TDRD3: variants seen among roughly 807,000 people sequenced by gnomAD.
The protein encoded by TDRD3 is tudor domain-containing protein 3.
In TDRD3, 45 loss-of-function variants were observed where a neutral mutation model predicts 86.7. The ratio of observed to expected loss-of-function variants is 0.52; its 90% CI spans 0.41 to 0.67. The LOEUF is 0.67. Ranked by LOEUF, TDRD3 falls within the 30% of genes least tolerant of loss-of-function variation. The probability of loss-of-function intolerance (pLI) is 0.00; values close to 1 mark genes in which losing one functional copy is unlikely to be tolerated. For missense variants in TDRD3, 814 were observed against 889.0 expected (o/e 0.92, Z 1.07); for synonymous variants, 298 against 301.7 (o/e 0.99, Z 0.13).
rs1955969875 is a variant in TDRD3 at position 60,467,384 on chromosome 13, G to C, written c.495+5G>C. On this transcript the variant is annotated splice_donor_5th_base_variant and intron_variant, in intron 5 of 13. Coordinates refer to ENST00000377881, the MANE Select transcript of TDRD3 (RefSeq NM_001146070.2). ...GAGAAATGGGAGTTACAGAGAGTAAGTGTAAACTATGGCTTGAACTTTTGA... is the reference window on the plus strand; with the variant it reads ...GAGAAATGGGAGTTACAGAGAGTAACTGTAAACTATGGCTTGAACTTTTGA... The C allele has an allele frequency of 1.9e-6, 3 of 1,612,100 alleles. No individual in the cohort carries two copies. Among genetic ancestry groups the C allele is most frequent in the Non-Finnish European group, 2.5e-6 (3 of 1,179,410 alleles).
chr13:60,469,741 G>A (rs1956035477), intron 5 of TDRD3, among the ~76,000 whole-genome samples: 2 of 152,162 alleles, frequency 1.3e-5, no homozygotes, highest in Admixed American at 6.5e-5. Flanking sequence ...AAGTGAAGAA[G>A]CACTAAGCAT....
At chr13:60,445,884 C>G (rs1017979427) in intron 3 of TDRD3, among the ~76,000 whole-genome samples, 1 of 152,130 alleles carries the variant, frequency 6.6e-6, no homozygotes, top group Non-Finnish European at 1.5e-5. Flanking sequence ...TGAGAACTCA[C>G]CTCTGCTACA....
intron 3 of TDRD3, among the ~76,000 whole-genome samples, chr13:60,452,355 T>G (rs994990428): frequency 2.0e-5 from 3 of 152,178 alleles, no homozygotes; most frequent in Non-Finnish European, 4.4e-5. Context: ...TATTTGCATA[T>G]TGATTGTAAT....
chr13:60,518,366 T>C lies in TDRD3; in HGVS notation c.1141+7611T>C, dbSNP rs113017022. Among the ~76,000 whole-genome samples the C allele has an allele frequency of 8.3e-3, 1,272 of 152,338 alleles. 8 individuals carry two copies. The highest frequency in any genetic ancestry group is 0.024 in the Middle Eastern group (7 of 294). On this transcript the variant is annotated intron_variant, in intron 10 of 13. Coordinates refer to ENST00000377881, the MANE Select transcript of TDRD3 (RefSeq NM_001146070.2). ...CACATCTGAGAGGGACACACTGTCC[T>C]CACTGTGCCTTTTCTGAATTCCTGG... is the stretch of plus-strand genomic sequence containing the variant.
At chr13:60,517,764 CT>C (rs2137704460) in intron 10 of TDRD3, among the ~76,000 whole-genome samples, 1 of 152,282 alleles carries the variant, frequency 6.6e-6, no homozygotes, top group Admixed American at 6.5e-5. Context: ...TTGTGGACAA[CT>C]TGTTACCTTT....
intron 1 of TDRD3, among the ~76,000 whole-genome samples, chr13:60,416,704 A>G (rs948940402): frequency 1.3e-5 from 2 of 152,170 alleles, no homozygotes; most frequent in African/African-American, 4.8e-5. Context: ...CTAAAGTACC[A>G]GTGACCTTCC....
intron 3 of TDRD3, among the ~76,000 whole-genome samples, chr13:60,459,584 G>A (rs1282235726): frequency 2.0e-5 from 3 of 152,220 alleles, no homozygotes; most frequent in East Asian, 3.9e-4. Context: ...ACCAGGAGAG[G>A]GAGCACTTTA....
chr13:60,510,907 TA>T, intron 10 of TDRD3, 152 bp downstream of exon 10: 1 of 802,286 alleles, frequency 1.2e-6, no homozygotes, highest in Non-Finnish European at 1.7e-6. Context: ...TGTTTGTTTA[TA>T]AATTTACTTA....
At chr13:60,485,741 G>A (rs972967147) in intron 6 of TDRD3, 58 bp from the exon 7 acceptor site, 10 of 1,371,198 alleles carry the variant, frequency 7.3e-6, no homozygotes, top group South Asian at 3.8e-5. Context: ...ACTTTCTAAC[G>A]AAAACTTGAA....
At chr13:60,487,599 G>T (rs1956473794) in intron 7 of TDRD3, among the ~76,000 whole-genome samples, 1 of 152,320 alleles carries the variant, frequency 6.6e-6, no homozygotes, top group East Asian at 1.9e-4. Flanking sequence ...TGGGAGAGTG[G>T]TGGGAGTCCT....
At chr13:60,517,785 T>C (rs1957207144) in intron 10 of TDRD3, among the ~76,000 whole-genome samples, 1 of 152,232 alleles carries the variant, frequency 6.6e-6, no homozygotes, top group South Asian at 2.1e-4. Context: ...TAATAGTTAA[T>C]AGTCTGTGCC....
At chr13:60,535,023 A>G in intron 11 of TDRD3, 85 bp from the exon 12 acceptor site, 1 of 1,518,020 alleles carries the variant, frequency 6.6e-7, no homozygotes, top group Non-Finnish European at 8.9e-7. Context: ...ACATTGGAAC[A>G]CTTTAAAAAT....
chr13:60,542,276 C>T (rs1402904361), intron 12 of TDRD3, among the ~76,000 whole-genome samples: 1 of 152,132 alleles, frequency 6.6e-6, no homozygotes, highest in Non-Finnish European at 1.5e-5. Flanking sequence ...CTAATATACT[C>T]AGTGCACAGG....
intron 8 of TDRD3, among the ~76,000 whole-genome samples, chr13:60,498,695 G>A (rs557268926): frequency 4.6e-5 from 7 of 152,212 alleles, no homozygotes; most frequent in South Asian, 2.1e-4. Flanking sequence ...AGACCCCACC[G>A]ACAGTTTATG....
intron 13 of TDRD3, among the ~76,000 whole-genome samples, chr13:60,571,665 T>C (rs1486609898): frequency 1.3e-5 from 2 of 152,254 alleles, no homozygotes; most frequent in Non-Finnish European, 2.9e-5. Flanking sequence ...TAAAGTTTTA[T>C]ATTGTAATTT....
In TDRD3 at chr13:60,432,184, C is replaced by CT. The variant is rs1185805239; in HGVS notation, c.42-7502dup. ...AATTACCTTTTGTAGAATTCTGATC[C>CT]TTCTGTTTATTATGCTTAATAGAGC... On this transcript the variant is annotated intron_variant, in intron 1 of 13. Coordinates refer to ENST00000377881, the MANE Select transcript of TDRD3 (RefSeq NM_001146070.2). Among the ~76,000 whole-genome samples the CT allele has an allele frequency of 3.3e-5, 5 of 151,896 alleles. No individual in the cohort carries two copies. In the East Asian group the frequency reaches 9.6e-4, roughly 29 times the overall value.
chr13:60,506,624 G>A lies in TDRD3; in HGVS notation c.859-3139G>A, dbSNP rs936630916. On this transcript the variant is annotated intron_variant, in intron 8 of 13. Transcript: ENST00000377881. ...ATACAAAAACTAGCTGGGCGTTGTG[G>A]TGCATGCCTATAATCCCAGCTACTT... Among the ~76,000 whole-genome samples, 9 of 152,142 alleles carry A rather than the reference G, an allele frequency of 5.9e-5. No individual in the cohort carries two copies. In the South Asian group the frequency reaches 6.2e-4, roughly 11 times the overall value.
intron 8 of TDRD3, among the ~76,000 whole-genome samples, chr13:60,494,919 G>A (rs1392608216): frequency 1.3e-5 from 2 of 152,088 alleles, no homozygotes; most frequent in Non-Finnish European, 2.9e-5. Flanking sequence ...AAGTGATTTT[G>A]TTTTGTTTTC....
At chr13:60,417,616 A>G (rs1954557379) in intron 1 of TDRD3, among the ~76,000 whole-genome samples, 1 of 152,174 alleles carries the variant, frequency 6.6e-6, no homozygotes, top group Non-Finnish European at 1.5e-5. Context: ...TGTTGGGATT[A>G]CAGGTGTGAG....
Sources: allele counts gnomAD v4.1 joint callset (sites outside exome capture counted in the v4.1 genomes callset), GRCh38; gene constraint gnomAD v4.1.1; transcripts MANE v1.5; gene names NCBI Gene and HGNC (gene_info 2026-07-23, HGNC 2026-07-21).